Variants in NFIB observed in about 807,000 individuals in gnomAD.
The protein encoded by NFIB is nuclear factor 1 B-type.
In NFIB, 11 loss-of-function variants were observed where a neutral mutation model predicts 61.5. The observed-to-expected ratio is 0.18, with a 90% CI of 0.11 to 0.30. NFIB has a LOEUF of 0.30. Among genes scored for constraint, NFIB ranks in the 10% least tolerant of loss-of-function variants. The pLI is 1.00. For synonymous variants in NFIB, 260 were observed against 216.5 expected (o/e 1.20, Z -1.76); for missense variants, 471 against 608.9 (o/e 0.77, Z 2.38).
the NFIB span, among the ~76,000 whole-genome samples, chr9:14,521,375 G>A: frequency 6.6e-6 from 1 of 152,100 alleles, no homozygotes; most frequent in African/African-American, 2.4e-5. Context: ...GATGTCTTTG[G>A]TTAATCATGG....
chr9:14,261,877 T>C (rs1563954850), intron 2 of NFIB, among the ~76,000 whole-genome samples: 1 of 152,160 alleles, frequency 6.6e-6, no homozygotes, highest in African/African-American at 2.4e-5. Context: ...GTTTTATTCT[T>C]TGGTGCATCC....
chr9:14,334,209 G>A (rs2060856829), intron 1 of NFIB, among the ~76,000 whole-genome samples: 2 of 152,142 alleles, frequency 1.3e-5, no homozygotes, highest in African/African-American at 2.4e-5. Context: ...ACATATGTAT[G>A]CATTCTTTTG....
chr9:14,477,596 A>C, the NFIB span, among the ~76,000 whole-genome samples: 3 of 152,194 alleles, frequency 2.0e-5, no homozygotes, highest in African/African-American at 4.8e-5. Context: ...TATATTGCGA[A>C]GTGAGGTTGG....
chr9:14,435,324 T>C, the NFIB span, among the ~76,000 whole-genome samples: 1 of 152,340 alleles, frequency 6.6e-6, no homozygotes, highest in Admixed American at 6.5e-5. Context: ...GCTGTGGCCA[T>C]GTACCAACTG....
chr9:14,207,991 T>A (rs549530886), intron 2 of NFIB, among the ~76,000 whole-genome samples: 105 of 152,270 alleles, frequency 6.9e-4, no homozygotes, highest in African/African-American at 2.4e-3. Context: ...CACCATCAGA[T>A]TCACAAGGCC....
intron 2 of NFIB, among the ~76,000 whole-genome samples, chr9:14,194,656 G>A (rs999565274): frequency 6.6e-6 from 1 of 152,106 alleles, no homozygotes; most frequent in African/African-American, 2.4e-5. Flanking sequence ...CATAGGAATA[G>A]ATAATTCAAT....
chr9:14,121,518 T>C (rs1410226165), intron 7 of NFIB, among the ~76,000 whole-genome samples: 3 of 152,230 alleles, frequency 2.0e-5, no homozygotes, highest in African/African-American at 7.2e-5. Context: ...TCATTTATAA[T>C]TGTCTGGTCA....
intron 2 of NFIB, among the ~76,000 whole-genome samples, chr9:14,283,606 T>C (rs894974240): frequency 6.6e-6 from 1 of 152,208 alleles, no homozygotes; most frequent in Non-Finnish European, 1.5e-5. Flanking sequence ...CTGCATGAAC[T>C]CAAGTTGATT....
In NFIB at chr9:14,332,841, G is replaced by T. The variant is rs117953047; in HGVS notation, c.109-25321C>A. Among the ~76,000 whole-genome samples the T allele has an allele frequency of 3.3e-5, 5 of 152,334 alleles. No homozygotes were observed. The East Asian group carries it at 9.6e-4, about 29-fold the overall frequency. Reference sequence around the variant, plus strand: ...GGGGAAAATGAGGCTATAGCTAACAGAAACATAGAGCTTGTGTGCTGTTGT... The same window carrying T: ...GGGGAAAATGAGGCTATAGCTAACATAAACATAGAGCTTGTGTGCTGTTGT... On this transcript the variant is annotated intron_variant, in intron 1 of 8. Transcript: ENST00000380934.
intron 10 of NFIB, among the ~76,000 whole-genome samples, chr9:14,108,738 A>G (rs1484943948): frequency 1.3e-5 from 2 of 152,038 alleles, no homozygotes; most frequent in South Asian, 2.1e-4. Context: ...TAATTTTGAG[A>G]TTATGAAAAT....
At chr9:14,102,176 A>C (rs750822654) in intron 10 of NFIB, among the ~76,000 whole-genome samples, 7 of 152,208 alleles carry the variant, frequency 4.6e-5, no homozygotes, top group Non-Finnish European at 8.8e-5. Flanking sequence ...AAACAGTATA[A>C]ATTGTAGAAA....
intron 2 of NFIB, among the ~76,000 whole-genome samples, chr9:14,206,166 A>ACT (rs200726385): frequency 4.7e-4 from 67 of 141,950 alleles, no homozygotes; most frequent in East Asian, 1.7e-3. Flanking sequence ...TAACTTACTA[A>ACT]CTCTCTCTCT....
Position 14,257,201 on chromosome 9 carries a change from C to T in NFIB, c.562+49788G>A, listed in dbSNP as rs141504333. On this transcript the variant is annotated intron_variant, in intron 2 of 10. Coordinates refer to ENST00000380953, the MANE Select transcript of NFIB (RefSeq NM_001190737.2). Reference sequence around the variant, plus strand: ...CTCACCTATAAAATGAGGGGAAGTACGAGGTTACTCTGAATATTAAATGAG... The same window carrying T: ...CTCACCTATAAAATGAGGGGAAGTATGAGGTTACTCTGAATATTAAATGAG... Among the ~76,000 whole-genome samples, 14 of 152,178 alleles carry T rather than the reference C, an allele frequency of 9.2e-5. No homozygotes were observed. In the South Asian group the frequency reaches 2.7e-3, roughly 29 times the overall value.
At chr9:14,098,283 C>G (rs1462856666) in intron 10 of NFIB, among the ~76,000 whole-genome samples, 2 of 152,188 alleles carry the variant, frequency 1.3e-5, no homozygotes, top group African/African-American at 2.4e-5. Context: ...CATAAGCCAT[C>G]AGACACATAC....
chr9:14,260,670 T>C (rs2056664639), intron 2 of NFIB, among the ~76,000 whole-genome samples: 1 of 152,226 alleles, frequency 6.6e-6, no homozygotes, highest in East Asian at 1.9e-4. Context: ...ATATCTGAAC[T>C]GGCCACTGTC....
In NFIB at chr9:14,385,814, T is replaced by C. The variant is rs999227308; in HGVS notation, c.108+12710A>G. Among the ~76,000 whole-genome samples, 6 of 151,848 alleles carry C rather than the reference T, an allele frequency of 4.0e-5. No individual in the cohort carries two copies. The East Asian group carries it at 1.2e-3, about 29-fold the overall frequency. On this transcript the variant is annotated intron_variant, in intron 1 of 8. Transcript: ENST00000380934. ...TTTTTTTTTTTTGAAACAGAGTGTT[T>C]CTCTGTTTCCCAGGCTGGAGTGCAG... is the stretch of plus-strand genomic sequence containing the variant.
At chr9:14,342,015 T>G (rs999062920) in intron 1 of NFIB, among the ~76,000 whole-genome samples, 4 of 152,006 alleles carry the variant, frequency 2.6e-5, no homozygotes, top group Non-Finnish European at 4.4e-5. Flanking sequence ...TGGGAAGTTG[T>G]GGGTCAGGAC....
chr9:14,276,473 A>C (rs2058008502), intron 2 of NFIB, among the ~76,000 whole-genome samples: 1 of 152,218 alleles, frequency 6.6e-6, no homozygotes, highest in African/African-American at 2.4e-5. Flanking sequence ...AAGGAATGAA[A>C]GGAAGATAAA....
intron 2 of NFIB, among the ~76,000 whole-genome samples, chr9:14,248,688 C>T (rs1360888972): frequency 6.6e-6 from 1 of 152,136 alleles, no homozygotes; most frequent in Non-Finnish European, 1.5e-5. Context: ...TCTCCAAGAA[C>T]AGGCAGGAGA....
Sources: allele counts gnomAD v4.1 joint callset (sites outside exome capture counted in the v4.1 genomes callset), GRCh38; gene constraint gnomAD v4.1.1; transcripts MANE v1.5; gene names NCBI Gene and HGNC (gene_info 2026-07-23, HGNC 2026-07-21).